The following SYAP1 variants were observed in gnomAD, a reference collection of about 807,000 sequenced individuals.
SYAP1 encodes the protein synapse-associated protein 1.
SYAP1 carries 3 observed loss-of-function variants against 29.6 expected under a neutral mutation model. The observed-to-expected ratio is 0.10, with a 90% CI of 0.05 to 0.26. The LOEUF (loss-of-function observed/expected upper bound fraction) is 0.26. Ranked by LOEUF, SYAP1 falls within the 10% of genes least tolerant of loss-of-function variation. SYAP1 has a pLI of 1.00. For missense variants in SYAP1, 217 were observed against 264.1 expected, an observed-to-expected ratio of 0.82 and a Z score of 1.24; for synonymous variants, 102 against 102.7, an observed-to-expected ratio of 0.99 and a Z score of 0.04.
intron 1 of SYAP1, among the ~76,000 whole-genome samples, chrX:16,729,795 T>A (rs1331720065): frequency 9.0e-6 from 1 of 111,395 alleles, no homozygotes; most frequent in Non-Finnish European, 1.9e-5. Context: ...GTGCTTTTAT[T>A]TTAATACTCA....
chrX:16,747,759 G>A, intron 5 of SYAP1, among the ~76,000 whole-genome samples: 1 of 112,883 alleles, frequency 8.9e-6, no homozygotes, highest in Middle Eastern at 4.6e-3. Context: ...AGAAATTATA[G>A]TTTTTATTTA....
chrX:16,735,844 C>T (rs1342677075), intron 2 of SYAP1, among the ~76,000 whole-genome samples: 4 of 112,357 alleles, frequency 3.6e-5, no homozygotes, highest in African/African-American at 6.5e-5. Context: ...AAGCTGGTCT[C>T]GAACTCCTGG....
Position 16,719,715 on chromosome X carries a change from C to G in SYAP1, c.-10C>G, listed in dbSNP as rs759703100. ...GGGGATCGGGACCGCGGCGGCGGCCCGCGAGCGGGATGTTCCGGGGCTTGA... is the reference window on the plus strand; with the variant it reads ...GGGGATCGGGACCGCGGCGGCGGCCGGCGAGCGGGATGTTCCGGGGCTTGA... On this transcript the variant is annotated 5_prime_UTR_variant, in exon 1 of 9. Transcript: ENST00000380155. 34 of 1,201,960 alleles carry G rather than the reference C, an allele frequency of 2.8e-5. No individual in the cohort carries two copies. The Admixed American group carries it at 6.7e-4, about 24-fold the overall frequency.
intron 3 of SYAP1, among the ~76,000 whole-genome samples, chrX:16,739,601 C>T (rs1423202225): frequency 9.1e-6 from 1 of 109,372 alleles, no homozygotes; most frequent in African/African-American, 3.3e-5. Flanking sequence ...TTCGGCCTCC[C>T]GAGTAGCTGG....
At chrX:16,727,724 TGAG>T (rs1021691363) in intron 1 of SYAP1, among the ~76,000 whole-genome samples, 1 of 111,746 alleles carries the variant, frequency 8.9e-6, no homozygotes, top group African/African-American at 3.3e-5. Context: ...CCTCTCCTCT[TGAG>T]GTCCCAAGAT....
chrX:16,763,209 C>T lies in SYAP1; in HGVS notation c.*2850C>T, dbSNP rs890629494. On this transcript the variant is annotated 3_prime_UTR_variant, in exon 9 of 9. Transcript: ENST00000380155. The stretch of plus-strand genomic sequence containing the variant: ...GCTGAGGCAGGAGGATCGCTTGAGC[C>T]CAGGAGATCCAGGCTGCAGTAAGCC... 9.7e-6 allele frequency: 1 copy of T among 103,304 alleles called. No individual in the cohort carries two copies. Among genetic ancestry groups the T allele is most frequent in the Non-Finnish European group, 2.0e-5 (1 of 51,142 alleles). 8.5% of individuals were successfully genotyped at this position (103,304 alleles called of 1,213,427 possible).
At chrX:16,754,176 A>G (rs147990346) in intron 5 of SYAP1, among the ~76,000 whole-genome samples, 2,865 of 111,825 alleles carry the variant, frequency 0.026, 112 homozygotes, top group African/African-American at 0.087. Flanking sequence ...AACAGCCACA[A>G]TGCTTGCTTC....
chrX:16,725,259 A>C (rs1286094423), intron 1 of SYAP1, among the ~76,000 whole-genome samples: 1 of 112,484 alleles, frequency 8.9e-6, no homozygotes, highest in Non-Finnish European at 1.9e-5. Flanking sequence ...ACTTCGTTTC[A>C]GACCCTCACT....
At chrX:16,727,563 A>AGACC (rs1926109553) in intron 1 of SYAP1, among the ~76,000 whole-genome samples, 1 of 111,638 alleles carries the variant, frequency 9.0e-6, no homozygotes, top group Non-Finnish European at 1.9e-5. Flanking sequence ...GGCTGGTCTC[A>AGACC]AACTCCTGAC....
rs1266261464 is a variant in SYAP1 at position 16,732,381 on chromosome X, CT to C, written c.176-2827del. 3.4e-3 allele frequency among the ~76,000 whole-genome samples: 322 copies of C among 93,553 alleles called. 1 individual carries two copies. The highest frequency in any genetic ancestry group is 9.6e-3 in the African/African-American group (245 of 25,421). The allele number at this position is 93,553 out of a possible 115,157, so 81.2% of individuals were successfully genotyped here. On this transcript the variant is annotated intron_variant, in intron 1 of 8. Transcript: ENST00000380155. Reference sequence around the variant, plus strand: ...TCCAGCCTTTGCATAAGGTCACTGGCTTTTTTTTTTTTTTTTTTTGAGACGG... The same window carrying C: ...TCCAGCCTTTGCATAAGGTCACTGGCTTTTTTTTTTTTTTTTTTGAGACGG...
intron 3 of SYAP1, chrX:16,736,514 C>T: frequency 4.6e-6 from 1 of 215,193 alleles, no homozygotes. Flanking sequence ...CTTTTCTTTT[C>T]CCCCACCGAG....
At chrX:16,748,271 A>G (rs1261345268) in intron 5 of SYAP1, among the ~76,000 whole-genome samples, 1 of 111,751 alleles carries the variant, frequency 8.9e-6, no homozygotes, top group African/African-American at 3.2e-5. Flanking sequence ...TCACAGGTAC[A>G]TGGGGTTCAT....
At chrX:16,737,030 T>C (rs762330563) in intron 3 of SYAP1, among the ~76,000 whole-genome samples, 1 of 111,915 alleles carries the variant, frequency 8.9e-6, no homozygotes, top group African/African-American at 3.2e-5. Flanking sequence ...TCTGAAGTTA[T>C]AAGGCCTCAG....
chrX:16,738,616 G>C lies in SYAP1; in HGVS notation c.361+2384G>C, dbSNP rs565852108. ...GAACCTGGGAGGCAGAGGTTACAGC[G>C]AGCCAAGATCATACCACTGCACTCC... is the stretch of plus-strand genomic sequence containing the variant. On this transcript the variant is annotated intron_variant, in intron 3 of 8. Coordinates refer to ENST00000380155, the MANE Select transcript of SYAP1 (RefSeq NM_032796.4). 8.1e-5 allele frequency among the ~76,000 whole-genome samples: 9 copies of C among 111,530 alleles called. No individual in the cohort carries two copies. The South Asian group carries it at 3.4e-3, about 42-fold the overall frequency.
chrX:16,736,995 C>T (rs890329418), intron 3 of SYAP1, among the ~76,000 whole-genome samples: 2 of 111,933 alleles, frequency 1.8e-5, no homozygotes, highest in Non-Finnish European at 3.8e-5. Context: ...AGAACATACT[C>T]AATACATTAC....
chrX:16,738,999 A>G (rs952192067), intron 3 of SYAP1, among the ~76,000 whole-genome samples: 1 of 111,169 alleles, frequency 9.0e-6, no homozygotes, highest in African/African-American at 3.3e-5. Flanking sequence ...AAAAAGAATA[A>G]TTTCAGGAAC....
At chrX:16,748,313 A>G (rs1255131710) in intron 5 of SYAP1, among the ~76,000 whole-genome samples, 1 of 111,882 alleles carries the variant, frequency 8.9e-6, no homozygotes, top group Non-Finnish European at 1.9e-5. Flanking sequence ...GTTTTGTCGA[A>G]AATTTCCATA....
At chrX:16,741,408 C>T (rs1238406607) in intron 3 of SYAP1, among the ~76,000 whole-genome samples, 1 of 110,420 alleles carries the variant, frequency 9.1e-6, no homozygotes, top group Non-Finnish European at 1.9e-5. Flanking sequence ...GTGGCCCAAG[C>T]TGGTCTGCAA....
intron 8 of SYAP1, among the ~76,000 whole-genome samples, chrX:16,757,625 A>C (rs923380073): frequency 2.7e-5 from 3 of 111,019 alleles, no homozygotes; most frequent in African/African-American, 9.8e-5. Flanking sequence ...CGGAAGGCTG[A>C]GGCAGGAGAA....
Sources: gnomAD v4.1 joint callset for allele counts (sites outside exome capture counted in the v4.1 genomes callset) on GRCh38, gnomAD v4.1.1 for gene constraint, MANE v1.5 for transcripts, NCBI Gene and HGNC (gene_info 2026-07-23, HGNC 2026-07-21) for gene names.